Variants in NLGN1 observed in about 807,000 individuals in gnomAD.
NLGN1 encodes the protein neuroligin-1.
In NLGN1, 12 loss-of-function variants were observed where a neutral mutation model predicts 65.5. The ratio of observed to expected loss-of-function variants is 0.18; its 90% CI spans 0.12 to 0.30. The LOEUF (loss-of-function observed/expected upper bound fraction) is 0.30. Among genes scored for constraint, NLGN1 ranks in the 10% least tolerant of loss-of-function variants. NLGN1 has a pLI of 1.00. For synonymous variants in NLGN1, 350 were observed against 359.5 expected, an observed-to-expected ratio of 0.97 and a Z score of 0.30; for missense variants, 750 against 1,007.1, an observed-to-expected ratio of 0.74 and a Z score of 3.46.
chr3:173,661,023 G>A (rs774232421), intron 3 of NLGN1, among the ~76,000 whole-genome samples: 4 of 151,926 alleles, frequency 2.6e-5, no homozygotes, highest in Admixed American at 2.6e-4. Flanking sequence ...AGACTGAAAA[G>A]CAAACGTGAA....
chr3:173,699,606 A>T (rs1261216516), intron 3 of NLGN1, among the ~76,000 whole-genome samples: 1 of 152,342 alleles, frequency 6.6e-6, no homozygotes, highest in Non-Finnish European at 1.5e-5. Flanking sequence ...GAGTTTTAAA[A>T]GTCACAGATC....
intron 1 of NLGN1, among the ~76,000 whole-genome samples, chr3:173,406,608 A>G (rs1718745950): frequency 6.6e-6 from 1 of 150,568 alleles, no homozygotes; most frequent in Non-Finnish European, 1.5e-5. Context: ...ATATAAATCA[A>G]AGGAAGAGAA....
At chr3:173,732,806 G>T (rs1161499359) in intron 3 of NLGN1, among the ~76,000 whole-genome samples, 1 of 151,940 alleles carries the variant, frequency 6.6e-6, no homozygotes, top group Non-Finnish European at 1.5e-5. Context: ...ACTTTTATTA[G>T]TAGATGTTTA....
intron 2 of NLGN1, among the ~76,000 whole-genome samples, chr3:173,471,782 A>C (rs1179067437): frequency 1.3e-5 from 2 of 152,104 alleles, no homozygotes; most frequent in African/African-American, 2.4e-5. Flanking sequence ...GCTTTCCAGA[A>C]CCTAAGTGTT....
At chr3:173,405,127 C>A (rs1718395048) in intron 1 of NLGN1, among the ~76,000 whole-genome samples, 1 of 152,006 alleles carries the variant, frequency 6.6e-6, no homozygotes, top group African/African-American at 2.4e-5. Context: ...CCATGTTTTT[C>A]CACAGAAAAT....
chr3:173,489,229 C>T (rs1728679385), intron 2 of NLGN1, among the ~76,000 whole-genome samples: 1 of 151,776 alleles, frequency 6.6e-6, no homozygotes, highest in African/African-American at 2.4e-5. Flanking sequence ...TGCTATCCCT[C>T]CCCCTTACCC....
At chr3:173,423,751 T>C (rs528545952) in intron 1 of NLGN1, among the ~76,000 whole-genome samples, 25 of 152,314 alleles carry the variant, frequency 1.6e-4, no homozygotes, top group Admixed American at 1.5e-3. Flanking sequence ...GTTGAGTGAC[T>C]GCAGCTTTTC....
At chr3:173,777,490 A>T (rs1267439781) in intron 3 of NLGN1, among the ~76,000 whole-genome samples, 1 of 151,890 alleles carries the variant, frequency 6.6e-6, no homozygotes, top group African/African-American at 2.4e-5. Flanking sequence ...CATCACCTCA[A>T]ATATTTTTTA....
intron 3 of NLGN1, among the ~76,000 whole-genome samples, chr3:173,706,617 C>A (rs1467054108): frequency 6.6e-6 from 1 of 152,118 alleles, no homozygotes; most frequent in African/African-American, 2.4e-5. Flanking sequence ...AATCTGCACC[C>A]TTTGGTTATT....
chr3:173,918,253 A>G (rs968936112), intron 4 of NLGN1, among the ~76,000 whole-genome samples: 2 of 152,166 alleles, frequency 1.3e-5, no homozygotes, highest in African/African-American at 4.8e-5. Flanking sequence ...GTGTTGCAAC[A>G]TGAAATGACC....
At position 174,056,529 on chromosome 3, in the gene NLGN1, C is replaced by T. The variant is rs77856879; in HGVS notation, c.647-218786C>T. Among the ~76,000 whole-genome samples, 1,030 of 152,048 alleles carry T rather than the reference C, an allele frequency of 6.8e-3. 9 individuals are homozygous for T. The highest frequency in any genetic ancestry group is 0.024 in the African/African-American group (1,000 of 41,496). ...TAAAAAACGAGTAAGCTTTGAATCT[C>T]TCACTGGAGCAGGTTTTACTTTCAG... On this transcript the variant is annotated intron_variant, in intron 4 of 6. Transcript: ENST00000457714.
chr3:174,212,069 C>CG (rs1257271438), intron 4 of NLGN1, among the ~76,000 whole-genome samples: 1 of 152,150 alleles, frequency 6.6e-6, no homozygotes, highest in East Asian at 1.9e-4. Flanking sequence ...CCCACGGAGG[C>CG]GGGGGAAGGC....
intron 4 of NLGN1, among the ~76,000 whole-genome samples, chr3:173,946,706 A>T (rs1747222052): frequency 6.6e-6 from 1 of 152,190 alleles, no homozygotes; most frequent in Admixed American, 6.5e-5. Flanking sequence ...GCTAGCAGAG[A>T]ATGAAAGTCT....
chr3:173,977,055 C>T (rs753671747), intron 4 of NLGN1, among the ~76,000 whole-genome samples: 49 of 151,634 alleles, frequency 3.2e-4, no homozygotes, highest in Admixed American at 6.6e-4. Flanking sequence ...AGTCAAAGTA[C>T]TTCTTTTATA....
rs1486666813 is a variant in NLGN1, at chr3:174,280,136, C to A, written c.1650-345C>A. On this transcript the variant is annotated intron_variant, in intron 6 of 6. Transcript: ENST00000457714. This position sits in a 1 kb window ranked among gnomAD's most constrained non-coding sequence, Gnocchi z 4.9. The stretch of plus-strand genomic sequence containing the variant: ...AAACCTTCATCTGCTAATTTAAAAT[C>A]AAAAATCCTTTCCACTATTCCATGT... Among the ~76,000 whole-genome samples the A allele has an allele frequency of 1.3e-5, 2 of 151,922 alleles. No individual in the cohort carries two copies. The highest frequency in any genetic ancestry group is 2.9e-5 in the Non-Finnish European group (2 of 67,926).
At chr3:174,246,388 C>T (rs947415484) in intron 4 of NLGN1, among the ~76,000 whole-genome samples, 2 of 152,134 alleles carry the variant, frequency 1.3e-5, no homozygotes, top group African/African-American at 4.8e-5. Flanking sequence ...GGCCATTATT[C>T]TTGAGGAAAA....
rs1737958065 is a variant in NLGN1, at chr3:173,904,429, CTCTT to C, written c.646+96601_646+96604del. Among the ~76,000 whole-genome samples the C allele has an allele frequency of 2.6e-5, 4 of 152,012 alleles. No homozygotes were observed. In the South Asian group the frequency reaches 8.3e-4, roughly 32 times the overall value. ...TGGCTTCTCTCTTCTTAACTTTCAC[CTCTT>C]TCTATTTTGCTTAATTTTTCTTCCT... On this transcript the variant is annotated intron_variant, in intron 4 of 6. Coordinates refer to ENST00000457714, the Ensembl canonical transcript of NLGN1.
intron 4 of NLGN1, among the ~76,000 whole-genome samples, chr3:174,248,597 T>C (rs1276464215): frequency 6.6e-6 from 1 of 151,888 alleles, no homozygotes. Flanking sequence ...CCATCTCTAC[T>C]AAAAATATAA....
chr3:173,969,131 A>T (rs1483731884), intron 4 of NLGN1, among the ~76,000 whole-genome samples: 4 of 152,092 alleles, frequency 2.6e-5, no homozygotes, highest in Non-Finnish European at 4.4e-5. Flanking sequence ...TATTTTACTT[A>T]TTGTCTAAAA....
Sources: gnomAD v4.1 joint callset for allele counts (sites outside exome capture counted in the v4.1 genomes callset) on GRCh38, gnomAD v4.1.1 for gene constraint, Gnocchi (gnomAD v3.1) non-coding constraint, MANE v1.5 for transcripts, NCBI Gene and HGNC (gene_info 2026-07-23, HGNC 2026-07-21) for gene names.